Variants in SRGAP1 observed in about 807,000 individuals in gnomAD.
SRGAP1 encodes the protein SLIT-ROBO Rho GTPase-activating protein 1.
In SRGAP1, 43 loss-of-function variants were observed where a neutral mutation model predicts 121.9. The observed-to-expected ratio is 0.35, with a 90% CI of 0.28 to 0.46. The LOEUF (loss-of-function observed/expected upper bound fraction) is 0.46, where lower values mean the gene tolerates loss of function less well. SRGAP1 is among the 20% of genes least tolerant of loss of function. SRGAP1 has a pLI of 1.00. For missense variants in SRGAP1, 1,102 were observed against 1,350.9 expected (o/e 0.82, Z 2.89); for synonymous variants, 447 against 485.4 (o/e 0.92, Z 1.04).
At chr12:64,033,040 T>C (rs2034817472) in intron 4 of SRGAP1, among the ~76,000 whole-genome samples, 1 of 152,176 alleles carries the variant, frequency 6.6e-6, no homozygotes, top group Admixed American at 6.5e-5. Flanking sequence ...AATGCCGCTC[T>C]GTATGATAAC....
intron 18 of SRGAP1, 42 bp downstream of exon 18, chr12:64,115,935 TC>T: frequency 6.6e-7 from 1 of 1,507,220 alleles, no homozygotes; most frequent in Non-Finnish European, 9.1e-7. Flanking sequence ...AGTCTTTATA[TC>T]CCTATTGTAA....
chr12:63,905,964 G>A (rs1257163689), intron 1 of SRGAP1, among the ~76,000 whole-genome samples: 2 of 152,136 alleles, frequency 1.3e-5, no homozygotes, highest in Non-Finnish European at 2.9e-5. Flanking sequence ...ATACAGTTGT[G>A]CAGCCATCAC....
In SRGAP1 at chr12:64,062,967, T is replaced by C. The variant is rs1157485464; in HGVS notation, c.852T>C (p.Tyr284=). Residue 284 remains tyrosine (Y), a synonymous_variant, in exon 7 of 22, where the codon TAT becomes TAC. Coordinates refer to ENST00000355086, the MANE Select transcript of SRGAP1 (RefSeq NM_020762.4). ...HASLNRALRT[Y]LSAEYNLETS... is the part of the protein sequence containing the mutation. ...GTCTGAACAGAGCCCTAAGAACATA[T>C]CTGTCTGCGGAGTACAACCTTGAAA... 6 of 1,614,082 alleles carry C rather than the reference T, an allele frequency of 3.7e-6. No homozygotes were observed. The highest frequency in any genetic ancestry group is 1.7e-5 in the Admixed American group (1 of 60,010).
rs571170291 is a variant in SRGAP1, at chr12:63,884,642, C to T, written c.67+39759C>T. ...CAGTAGAACACCAGAATTTATTCCCCGTACCTAATTGTAACTTTGTACCCA... is the reference window on the plus strand; with the variant it reads ...CAGTAGAACACCAGAATTTATTCCCTGTACCTAATTGTAACTTTGTACCCA... On this transcript the variant is annotated intron_variant, in intron 1 of 21. Coordinates refer to ENST00000355086, the MANE Select transcript of SRGAP1 (RefSeq NM_020762.4). Among the ~76,000 whole-genome samples the T allele has an allele frequency of 1.7e-4, 26 of 152,048 alleles. No individual in the cohort carries two copies. In the South Asian group the frequency reaches 4.4e-3, roughly 26 times the overall value.
chr12:63,860,650 A>G (rs996684804), intron 1 of SRGAP1, among the ~76,000 whole-genome samples: 1 of 152,210 alleles, frequency 6.6e-6, no homozygotes, highest in African/African-American at 2.4e-5. Context: ...TCTGTTAATA[A>G]CAAATGTCTG....
intron 1 of SRGAP1, among the ~76,000 whole-genome samples, chr12:63,894,253 C>T (rs1900678484): frequency 6.6e-6 from 1 of 151,960 alleles, no homozygotes; most frequent in African/African-American, 2.4e-5. Flanking sequence ...ATGACATTTG[C>T]TTTCACCACA....
chr12:63,968,680 T>C (rs900809342), intron 1 of SRGAP1, among the ~76,000 whole-genome samples: 7 of 152,214 alleles, frequency 4.6e-5, no homozygotes, highest in Admixed American at 1.3e-4. Flanking sequence ...AAGTGTTTCA[T>C]TGGATTTGGG....
In SRGAP1 at chr12:63,874,278, G is replaced by A. The variant is rs192766794; in HGVS notation, c.67+29395G>A. On this transcript the variant is annotated intron_variant, in intron 1 of 21. Transcript: ENST00000355086. ...GAGTGCAGTGGCACGATCTCGGCTC[G>A]CTGCAAGCTCCGCCTCCTGGGTTCA... Among the ~76,000 whole-genome samples, 136 of 151,720 alleles carry A rather than the reference G, an allele frequency of 9.0e-4. 1 individual carries two copies. Among genetic ancestry groups the A allele is most frequent in the African/African-American group, 2.9e-3 (122 of 41,374 alleles).
intron 4 of SRGAP1, among the ~76,000 whole-genome samples, chr12:64,036,026 G>A (rs912625748): frequency 2.0e-5 from 3 of 152,198 alleles, no homozygotes; most frequent in Non-Finnish European, 2.9e-5. Flanking sequence ...AGAATTGATG[G>A]CACTGGAACT....
Position 64,142,418 on chromosome 12 carries a change from C to G in SRGAP1, c.3004C>G (p.Pro1002Ala), listed in dbSNP as rs1210987876. The G allele has an allele frequency of 5.6e-6, 9 of 1,614,144 alleles. No individual in the cohort carries two copies. The highest frequency in any genetic ancestry group is 7.6e-6 in the Non-Finnish European group (9 of 1,180,040). ...GGAGCAAGTGAAAAACTCTCCCACC[C>G]CTGCCACTTCCACGGAATCTCTCAG... ...TLEQVKNSPTPATSTESLSPL... is the reference protein window; with the variant it reads ...TLEQVKNSPTAATSTESLSPL... Residue 1002 changes from proline (P) to alanine (A), a missense_variant, in exon 22 of 22, where the codon CCT becomes GCT. Pro to Ala is a conservative substitution (Grantham distance 27). This residue lies in a region of SRGAP1 where 315 missense variants were observed against 343.1 expected (regional missense o/e 0.92). Transcript: ENST00000355086.
chr12:64,097,389 T>C lies in SRGAP1; in HGVS notation c.1813+14T>C, dbSNP rs758632422. On this transcript the variant is annotated intron_variant, in intron 15 of 21. Transcript: ENST00000355086. ...TTTCTTGTATCAGTAAGTGGACATTTTTTTCATCTTTTCCCACAAGAATTA... is the reference window on the plus strand; with the variant it reads ...TTTCTTGTATCAGTAAGTGGACATTCTTTTCATCTTTTCCCACAAGAATTA... 2 of 1,604,042 alleles carry C rather than the reference T, an allele frequency of 1.2e-6. No homozygotes were observed. The highest frequency in any genetic ancestry group is 8.5e-7 in the Non-Finnish European group (1 of 1,177,538).
At chr12:63,884,719 CTT>C (rs869188491) in intron 1 of SRGAP1, among the ~76,000 whole-genome samples, 20 of 123,858 alleles carry the variant, frequency 1.6e-4, no homozygotes, top group African/African-American at 4.4e-4. Context: ...CACCACCATT[CTT>C]TTTTTTTTTT....
intron 1 of SRGAP1, among the ~76,000 whole-genome samples, chr12:63,928,338 A>C (rs1487193302): frequency 6.6e-6 from 1 of 152,210 alleles, no homozygotes; most frequent in Non-Finnish European, 1.5e-5. Flanking sequence ...TAACCAAGAG[A>C]AATGAAAACA....
chr12:63,874,097 A>G lies in SRGAP1; in HGVS notation c.67+29214A>G, dbSNP rs541193351. Among the ~76,000 whole-genome samples the G allele has an allele frequency of 1.4e-4, 21 of 152,256 alleles. No homozygotes were observed. In the East Asian group the frequency reaches 3.9e-3, roughly 28 times the overall value. ...GAAGGAAGGGAGAGACAGAGAAAGAAAGGAAAGAAAGAAAATTATAAGCCA... is the reference window on the plus strand; with the variant it reads ...GAAGGAAGGGAGAGACAGAGAAAGAGAGGAAAGAAAGAAAATTATAAGCCA... On this transcript the variant is annotated intron_variant, in intron 1 of 21. Transcript: ENST00000355086.
At chr12:64,072,200 C>A (rs536718139) in intron 8 of SRGAP1, among the ~76,000 whole-genome samples, 1 of 146,000 alleles carries the variant, frequency 6.8e-6, no homozygotes, top group South Asian at 2.2e-4. Flanking sequence ...TGAAATGACA[C>A]AGTGCTGTAA....
At chr12:64,013,395 C>T (rs774311715) in intron 3 of SRGAP1, among the ~76,000 whole-genome samples, 101 of 152,244 alleles carry the variant, frequency 6.6e-4, no homozygotes, top group Non-Finnish European at 2.8e-4. Flanking sequence ...ACAAATTAGT[C>T]GCATAAACCA....
intron 3 of SRGAP1, among the ~76,000 whole-genome samples, chr12:64,008,261 C>A (rs1272630518): frequency 6.6e-6 from 1 of 152,208 alleles, no homozygotes; most frequent in African/African-American, 2.4e-5. Context: ...TGCCTGTCAT[C>A]CCATGTGCAA....
intron 15 of SRGAP1, among the ~76,000 whole-genome samples, chr12:64,098,360 TAA>T (rs74262000): frequency 2.0e-4 from 27 of 136,898 alleles, no homozygotes; most frequent in Admixed American, 3.7e-4. Context: ...CAGCTAGAGT[TAA>T]AAAAAAAAAA....
At chr12:63,995,935 A>G (rs538343257) in intron 3 of SRGAP1, among the ~76,000 whole-genome samples, 22 of 152,234 alleles carry the variant, frequency 1.4e-4, no homozygotes, top group African/African-American at 4.8e-4. Flanking sequence ...TACACCATTT[A>G]AAATAGGTTA....
Sources: allele counts gnomAD v4.1 joint callset (sites outside exome capture counted in the v4.1 genomes callset), GRCh38; gene constraint gnomAD v4.1.1; regional missense constraint gnomAD v4.1.1; transcripts MANE v1.5; gene names NCBI Gene and HGNC (gene_info 2026-07-23, HGNC 2026-07-21).